Variants in POLD1 observed in about 807,000 individuals in gnomAD.
The protein encoded by POLD1 is DNA polymerase delta 1, catalytic subunit, also known as DNA polymerase delta catalytic subunit.
In POLD1, 79 loss-of-function variants were observed where a neutral mutation model predicts 129.7. The observed-to-expected ratio is 0.61, with a 90% CI of 0.51 to 0.73. The LOEUF is 0.73. Among genes scored for constraint, POLD1 ranks in the 30% least tolerant of loss-of-function variants. POLD1 has a pLI of 0.00. For missense variants in POLD1, 1,338 were observed against 1,595.8 expected (o/e 0.84, Z 2.75); for synonymous variants, 714 against 683.3 (o/e 1.04, Z -0.70).
At position 50,409,118 on chromosome 19, in the gene POLD1, C is replaced by T. The variant is rs749018513; in HGVS notation, c.1893-4C>T. 1.9e-6 allele frequency: 3 copies of T among 1,602,148 alleles called. No individual in the cohort carries two copies. Among genetic ancestry groups the T allele is most frequent in the Non-Finnish European group, 2.6e-6 (3 of 1,169,298 alleles). On this transcript the variant is annotated splice_region_variant and splice_polypyrimidine_tract_variant and intron_variant, in intron 15 of 26. Coordinates refer to ENST00000440232, the MANE Select transcript of POLD1 (RefSeq NM_002691.4). The surrounding 1 kb of genome is among the most constrained non-coding windows in gnomAD (Gnocchi z 5.8). ...GGCAGTCACCCCAACATCTTCCAAC[C>T]CAGCCTGACTGAGGATCAGTTCATC...
chr19:50,403,096 CTCGCTGGGCCT>C lies in POLD1; in HGVS notation c.1015_1025del (p.Ser339AlafsTer292). The C allele has an allele frequency of 6.4e-7, 1 of 1,564,660 alleles. No homozygotes were observed. Among genetic ancestry groups the C allele is most frequent in the Non-Finnish European group, 8.7e-7 (1 of 1,154,142 alleles). ...AGCGGGACCCTGTCATCCAGATCTG[CTCGCTGGGCCT>C]GCGCTGGGGGGAGCCGGAGCCCTTC... On this transcript the variant is annotated frameshift_variant, in exon 9 of 27. Transcript: ENST00000440232. LOFTEE classifies it high-confidence loss of function.
chr19:50,405,843 C>G (rs1027557836), intron 10 of POLD1, among the ~76,000 whole-genome samples: 10 of 152,204 alleles, frequency 6.6e-5, no homozygotes, highest in African/African-American at 2.4e-4. Context: ...CCTCCTGCCT[C>G]TGCCCCCACC....
rs1274728448 is a variant in POLD1 at position 50,402,103 on chromosome 19, G to A, written c.568G>A (p.Val190Met). ...GCTGACTGGGCCGGCCGTGCTGGCT[G>A]TGGAACTGTGCTCCCGAGAGAGTGA... ...RELTGPAVLA[V>M]ELCSRESMFG... Residue 190 changes from valine to methionine, a missense_variant, in exon 5 of 27, where the codon GTG becomes ATG. Physicochemically the swap from Val to Met is conservative, Grantham distance 21 (BLOSUM62 1). This residue lies in a region of POLD1 where 332 missense variants were observed against 315.7 expected (regional missense o/e 1.05). Transcript: ENST00000440232. 1.9e-6 allele frequency: 3 copies of A among 1,613,278 alleles called. No homozygotes were observed. The highest frequency in any genetic ancestry group is 3.3e-5 in the Admixed American group (2 of 59,924).
chr19:50,408,809 C>G lies in POLD1; in HGVS notation c.1800C>G (p.Thr600=), dbSNP rs1230075939. ...LKGYYDVPIA[T]LDFSSLYPSI... ...GGTACTACGACGTCCCCATCGCCAC[C>G]CTGGACTTCTCCTCGCTGTACCCGT... The change falls in exon 15 of 27, where the codon ACC becomes ACG. Residue 600 remains threonine, a synonymous_variant. Coordinates refer to ENST00000440232, the MANE Select transcript of POLD1 (RefSeq NM_002691.4). 4 of 1,613,888 alleles carry G rather than the reference C, an allele frequency of 2.5e-6. No homozygotes were observed. The highest frequency in any genetic ancestry group is 3.4e-6 in the Non-Finnish European group (4 of 1,180,010).
intron 10 of POLD1, among the ~76,000 whole-genome samples, chr19:50,404,262 C>A (rs1391894885): frequency 1.3e-5 from 2 of 151,050 alleles, no homozygotes; most frequent in Non-Finnish European, 2.9e-5. Context: ...CACATGTCCT[C>A]CCTTTTTTTT....
At chr19:50,408,583 A>T in intron 14 of POLD1, 1 of 757,670 alleles carries the variant, frequency 1.3e-6, no homozygotes, top group South Asian at 1.9e-5. Flanking sequence ...GGGTTTTGCC[A>T]TGTTGCCCAG....
Position 50,388,014 on chromosome 19 carries a change from C to T in POLD1, c.-2+3624C>T, listed in dbSNP as rs147520937. 1.7e-3 allele frequency among the ~76,000 whole-genome samples: 264 copies of T among 152,294 alleles called. 2 individuals are homozygous for T. The highest frequency in any genetic ancestry group is 5.8e-3 in the African/African-American group (241 of 41,562). ...CAGCAAAAAAGGGACACAGCACTGA[C>T]GAAAGGCCGCCACACACATGAGCGA... On this transcript the variant is annotated intron_variant, in intron 1 of 26. Transcript: ENST00000440232.
chr19:50,398,748 T>A, intron 1 of POLD1, 103 bp from the exon 2 acceptor site: 2 of 1,512,320 alleles, frequency 1.3e-6, no homozygotes, highest in Non-Finnish European at 1.8e-6. Flanking sequence ...CAGTCCAGAG[T>A]AGGAAAAGGC....
Position 50,407,194 on chromosome 19 carries a change from C to G in POLD1, c.1686+20C>G. The G allele has an allele frequency of 6.3e-7, 1 of 1,586,366 alleles. No individual in the cohort carries two copies. The highest frequency in any genetic ancestry group is 1.7e-4 in the Middle Eastern group (1 of 5,958). ...CGGCAGGTCAGTAGCCGAGACTTGT[C>G]CTCGCCACCCCCCACCAGGCACGTC... is the stretch of plus-strand genomic sequence containing the variant. On this transcript the variant is annotated intron_variant, in intron 13 of 26. Transcript: ENST00000440232.
chr19:50,417,180 T>C lies in POLD1; in HGVS notation c.3129T>C (p.His1043=), dbSNP rs1060504363. 5 of 1,605,144 alleles carry C rather than the reference T, an allele frequency of 3.1e-6. No individual in the cohort carries two copies. The East Asian group carries it at 9.0e-5, about 29-fold the overall frequency. ...ESELYQKEVS[H]LNALEERFSR... ...GCCGCTGCCGTCCCCAGGTATCCCA[T>C]CTGAATGCCCTGGAGGAGCGCTTCT... Residue 1043 remains histidine, a synonymous_variant, in exon 26 of 27, where the codon CAT becomes CAC. Transcript: ENST00000440232.
In POLD1 at chr19:50,409,364, G is replaced by A; in HGVS notation, c.2006+129G>A. The A allele has an allele frequency of 8.8e-6, 11 of 1,254,496 alleles. No homozygotes were observed. In the South Asian group the frequency reaches 1.3e-4, roughly 15 times the overall value. 77.7% of individuals were successfully genotyped at this position (1,254,496 alleles called of 1,614,324 possible). ...TCAGCTGTGCGTGAATTAGCACAAG[G>A]CATCCCCTCCTGGCAGCTTCCTTTT... On this transcript the variant is annotated intron_variant, in intron 16 of 26. Transcript: ENST00000440232. The surrounding 1 kb of genome is among the most constrained non-coding windows in gnomAD (Gnocchi z 5.8).
intron 21 of POLD1, 66 bp downstream of exon 21, chr19:50,415,656 C>G (rs1311232875): frequency 2.6e-6 from 4 of 1,538,922 alleles, no homozygotes; most frequent in Non-Finnish European, 3.5e-6. Flanking sequence ...GGGCCCACTT[C>G]CTACACCCTC....
intron 17 of POLD1, among the ~76,000 whole-genome samples, chr19:50,410,097 C>T (rs2122397479): frequency 6.6e-6 from 1 of 152,294 alleles, no homozygotes; most frequent in South Asian, 2.1e-4. Context: ...ACACAGAGGC[C>T]AAGGGACGTG....
rs377690809 is a variant in POLD1, at chr19:50,402,118, C to T, written c.583C>T (p.Arg195Ter). ...PAVLAVELCSRESMFGYHGHG... is the reference protein window; with the variant it reads ...PAVLAVELCS ...CGTGCTGGCTGTGGAACTGTGCTCC[C>T]GAGAGAGTGAGTGCTCCCCCAGGAT... is the stretch of plus-strand genomic sequence containing the variant. The change falls in exon 5 of 27, where the codon CGA becomes TGA. Residue 195 changes from arginine (R) to a stop codon, truncating the protein, a stop_gained. Transcript: ENST00000440232. LOFTEE classifies it high-confidence loss of function. 55 of 1,610,978 alleles carry T rather than the reference C, an allele frequency of 3.4e-5. No homozygotes were observed. Among genetic ancestry groups the T allele is most frequent in the African/African-American group, 1.3e-5 (1 of 74,920 alleles).
chr19:50,388,916 T>C (rs1386708360), intron 1 of POLD1, among the ~76,000 whole-genome samples: 1 of 136,488 alleles, frequency 7.3e-6, no homozygotes. Flanking sequence ...CACTGCAACC[T>C]CTGCCTCCCA....
In POLD1 at chr19:50,417,252, G is replaced by A. The variant is rs1243457265; in HGVS notation, c.3201G>A (p.Glu1067=). Reference sequence around the variant, plus strand: ...AGCGCTGCCAGGGCAGCCTGCACGAGGACGTCATCTGCACCAGGTGTGTGC... The same window carrying A: ...AGCGCTGCCAGGGCAGCCTGCACGAAGACGTCATCTGCACCAGGTGTGTGC... ...QCQRCQGSLH[E]DVICTSRDCP... The change falls in exon 26 of 27, where the codon GAG becomes GAA. Residue 1067 remains glutamate (E), a synonymous_variant. Transcript: ENST00000440232. The A allele has an allele frequency of 6.3e-7, 1 of 1,598,738 alleles. No homozygotes were observed. The highest frequency in any genetic ancestry group is 1.7e-5 in the Admixed American group (1 of 59,300).
rs748888202 is a variant in POLD1, at chr19:50,402,517, C to A, written c.822C>A (p.Ala274=). The stretch of plus-strand genomic sequence containing the variant: ...TGGAGCTCCCAGCTGGGAAATACGC[C>A]CTGAGGCTGAAGGAGAAGGTGCAGG... ...NWLELPAGKY[A]LRLKEKATQC... is the part of the protein sequence containing the mutation. Residue 274 remains alanine, a synonymous_variant, in exon 7 of 27, where the codon GCC becomes GCA. Coordinates refer to ENST00000440232, the MANE Select transcript of POLD1 (RefSeq NM_002691.4). The A allele has an allele frequency of 6.2e-7, 1 of 1,606,350 alleles. No individual in the cohort carries two copies. Among genetic ancestry groups the A allele is most frequent in the Non-Finnish European group, 8.5e-7 (1 of 1,176,794 alleles).
At chr19:50,399,106 G>T in intron 2 of POLD1, 53 bp downstream of exon 2, 1 of 1,550,198 alleles carries the variant, frequency 6.5e-7, no homozygotes, top group Admixed American at 2.0e-5. Context: ...CCCTGGTCTT[G>T]CCTTTGGTCC....
At chr19:50,401,383 ATATATATATTTTTTTT>A (rs1191965179) in intron 3 of POLD1, among the ~76,000 whole-genome samples, 77 of 58,120 alleles carry the variant, frequency 1.3e-3, no homozygotes, top group Non-Finnish European at 2.1e-3. Flanking sequence ...ATATATATAT[ATATATATATTTTTTTT>A]TTTTTTTTTT....
Sources: allele counts gnomAD v4.1 joint callset (sites outside exome capture counted in the v4.1 genomes callset), GRCh38; gene constraint gnomAD v4.1.1; regional missense constraint gnomAD v4.1.1; non-coding constraint Gnocchi (gnomAD v3.1); transcripts MANE v1.5; gene names NCBI Gene and HGNC (gene_info 2026-07-23, HGNC 2026-07-21).